EEPD1: variants seen among roughly 807,000 people sequenced by gnomAD.
EEPD1 encodes endonuclease/exonuclease/phosphatase family domain-containing protein 1.
Under a neutral mutation model 46.3 loss-of-function variants are expected in EEPD1, and 17 were observed. That is an observed-to-expected ratio of 0.37 (90% CI 0.25 to 0.55). The LOEUF (loss-of-function observed/expected upper bound fraction) is 0.55. EEPD1 is among the 20% of genes least tolerant of loss of function. The pLI, the probability that EEPD1 is intolerant of heterozygous loss-of-function variation, is 0.83. For missense variants in EEPD1, 673 were observed against 745.6 expected, an observed-to-expected ratio of 0.90 and a Z score of 1.13; for synonymous variants, 313 against 315.6, an observed-to-expected ratio of 0.99 and a Z score of 0.09.
At chr7:36,272,178 CT>C (rs1787117563) in intron 3 of EEPD1, among the ~76,000 whole-genome samples, 1 of 141,232 alleles carries the variant, frequency 7.1e-6, no homozygotes, top group Non-Finnish European at 1.6e-5. Flanking sequence ...CCACCACCCC[CT>C]GCCATTAATT....
intron 6 of EEPD1, 31 bp from the exon 7 acceptor site, chr7:36,296,962 C>G: frequency 6.2e-7 from 1 of 1,611,354 alleles, no homozygotes; most frequent in Non-Finnish European, 8.5e-7. Context: ...CCCAACAACT[C>G]TTAAACTCAT....
intron 2 of EEPD1, among the ~76,000 whole-genome samples, chr7:36,218,948 A>C (rs2115740538): frequency 6.6e-6 from 1 of 152,236 alleles, no homozygotes; most frequent in East Asian, 1.9e-4. Flanking sequence ...CCTAGGAGAA[A>C]GGCCTGGAGG....
intron 3 of EEPD1, among the ~76,000 whole-genome samples, chr7:36,248,994 A>AACACAC (rs71553052): frequency 0.1 from 13,844 of 135,260 alleles, 816 homozygotes; most frequent in Admixed American, 0.13. Flanking sequence ...TGGTTCATTA[A>AACACAC]ACACACACAC....
intron 3 of EEPD1, among the ~76,000 whole-genome samples, chr7:36,246,971 C>A (rs1016391349): frequency 6.6e-6 from 1 of 151,920 alleles, no homozygotes; most frequent in Non-Finnish European, 1.5e-5. Flanking sequence ...ACCAAAAATA[C>A]AAAAATTAGC....
At chr7:36,202,941 G>A (rs917277280) in intron 2 of EEPD1, among the ~76,000 whole-genome samples, 4 of 152,140 alleles carry the variant, frequency 2.6e-5, no homozygotes, top group South Asian at 2.1e-4. Context: ...TCAAACCAAC[G>A]GCTTCTTACA....
At chr7:36,266,750 G>T (rs1787025323) in intron 3 of EEPD1, among the ~76,000 whole-genome samples, 1 of 152,016 alleles carries the variant, frequency 6.6e-6, no homozygotes, top group South Asian at 2.1e-4. Context: ...CTCTTGCCCA[G>T]CCCCTGGCAC....
chr7:36,192,873 G>C (rs1222917989), intron 2 of EEPD1, among the ~76,000 whole-genome samples: 1 of 152,274 alleles, frequency 6.6e-6, no homozygotes, highest in Non-Finnish European at 1.5e-5. Flanking sequence ...CAGTAGCCTG[G>C]TTGGGCTGCA....
chr7:36,182,824 C>T (rs1785298139), intron 2 of EEPD1, among the ~76,000 whole-genome samples: 1 of 152,228 alleles, frequency 6.6e-6, no homozygotes, highest in African/African-American at 2.4e-5. Flanking sequence ...AAAACTGCAC[C>T]TGTGAAGTTA....
chr7:36,169,167 T>C (rs761579234), intron 2 of EEPD1, among the ~76,000 whole-genome samples: 5 of 152,246 alleles, frequency 3.3e-5, no homozygotes, highest in Non-Finnish European at 7.3e-5. Context: ...ATGTGAATAA[T>C]GCTGCTAAGA....
At chr7:36,173,118 CAT>C (rs1785118075) in intron 2 of EEPD1, among the ~76,000 whole-genome samples, 2 of 152,044 alleles carry the variant, frequency 1.3e-5, no homozygotes, top group African/African-American at 4.8e-5. Context: ...GTAATCTCCA[CAT>C]GTCAAGGGAG....
chr7:36,198,362 AGAT>A (rs1785650200), intron 2 of EEPD1, among the ~76,000 whole-genome samples: 1 of 135,762 alleles, frequency 7.4e-6, no homozygotes, highest in African/African-American at 2.7e-5. Context: ...AAAAAAAGAA[AGAT>A]ATTTTCCTGA....
At chr7:36,277,038 C>G (rs1787192445) in intron 3 of EEPD1, among the ~76,000 whole-genome samples, 1 of 152,252 alleles carries the variant, frequency 6.6e-6, no homozygotes, top group Non-Finnish European at 1.5e-5. Flanking sequence ...AGTGTGAGAA[C>G]CAGCTGCTCT....
At chr7:36,257,183 G>A (rs1329159022) in intron 3 of EEPD1, among the ~76,000 whole-genome samples, 2 of 152,108 alleles carry the variant, frequency 1.3e-5, no homozygotes, top group Non-Finnish European at 2.9e-5. Context: ...TTTCTGCAGA[G>A]GGATCAGCTG....
At chr7:36,273,250 A>G (rs1787138897) in intron 3 of EEPD1, among the ~76,000 whole-genome samples, 2 of 152,114 alleles carry the variant, frequency 1.3e-5, no homozygotes, top group Admixed American at 1.3e-4. Flanking sequence ...CGTGTGTCGA[A>G]TGGGACTGTT....
At chr7:36,266,069 C>T (rs564690111) in intron 3 of EEPD1, among the ~76,000 whole-genome samples, 19 of 152,222 alleles carry the variant, frequency 1.2e-4, no homozygotes, top group African/African-American at 3.4e-4. Flanking sequence ...CAAATCATGG[C>T]GTGGCCATCC....
intron 2 of EEPD1, among the ~76,000 whole-genome samples, chr7:36,228,132 G>A (rs1170984337): frequency 1.3e-5 from 2 of 152,156 alleles, no homozygotes; most frequent in African/African-American, 4.8e-5. Flanking sequence ...AAGTTAACCT[G>A]GAACTTTGCT....
intron 6 of EEPD1, among the ~76,000 whole-genome samples, chr7:36,294,369 G>T (rs1787490783): frequency 6.6e-6 from 1 of 152,062 alleles, no homozygotes; most frequent in South Asian, 2.1e-4. Flanking sequence ...AAGATAACAG[G>T]CCAGTATTAC....
chr7:36,232,938 T>C (rs1786361792), intron 2 of EEPD1, among the ~76,000 whole-genome samples: 1 of 152,224 alleles, frequency 6.6e-6, no homozygotes, highest in South Asian at 2.1e-4. Flanking sequence ...TAGTGAATAG[T>C]AGGGAGAAAA....
Position 36,174,188 on chromosome 7 carries a change from C to T in EEPD1, c.878+18986C>T, listed in dbSNP as rs777180969. On this transcript the variant is annotated intron_variant, in intron 2 of 7. Coordinates refer to ENST00000242108, the MANE Select transcript of EEPD1 (RefSeq NM_030636.3). ...CCCGACCAGTTCTGGGGCATGTTTG[C>T]GTCTTGTTCCCGATTACCCACGCTT... Among the ~76,000 whole-genome samples the T allele has an allele frequency of 5.1e-4, 77 of 152,286 alleles. No homozygotes were observed. The Middle Eastern group carries it at 0.02, about 40-fold the overall frequency.
Sources: gnomAD v4.1 joint callset for allele counts (sites outside exome capture counted in the v4.1 genomes callset) on GRCh38, gnomAD v4.1.1 for gene constraint, MANE v1.5 for transcripts, NCBI Gene and HGNC (gene_info 2026-07-23, HGNC 2026-07-21) for gene names.